GALNTL6: variants seen among roughly 807,000 people sequenced by gnomAD.
GALNTL6 encodes the protein polypeptide N-acetylgalactosaminyltransferase like 6, also known as polypeptide N-acetylgalactosaminyltransferase-like 6.
In GALNTL6, 46 loss-of-function variants were observed where a neutral mutation model predicts 73.7. That is an observed-to-expected ratio of 0.62 (90% CI 0.49 to 0.80). The LOEUF is 0.80. Ranked by LOEUF, GALNTL6 falls within the 30% of genes least tolerant of loss-of-function variation. The pLI is 0.00. For missense variants in GALNTL6, 604 were observed against 755.0 expected (o/e 0.80, Z 2.34); for synonymous variants, 259 against 263.7 (o/e 0.98, Z 0.17).
intron 7 of GALNTL6, among the ~76,000 whole-genome samples, chr4:172,862,032 A>T (rs1744419811): frequency 6.6e-6 from 1 of 152,208 alleles, no homozygotes; most frequent in Non-Finnish European, 1.5e-5. Flanking sequence ...TAACAGGCAG[A>T]GGTTGGAACT....
At chr4:172,884,248 C>T (rs547184961) in intron 8 of GALNTL6, among the ~76,000 whole-genome samples, 22 of 152,220 alleles carry the variant, frequency 1.4e-4, no homozygotes, top group African/African-American at 3.9e-4. Flanking sequence ...AGTGTAGGAG[C>T]ATTCCCCTTT....
chr4:171,899,212 C>T (rs1043455854), intron 2 of GALNTL6, among the ~76,000 whole-genome samples: 2 of 151,712 alleles, frequency 1.3e-5, no homozygotes, highest in African/African-American at 4.8e-5. Context: ...GTAATTAGCA[C>T]TGAAAAGTTA....
chr4:172,656,954 T>G (rs1403416353), intron 5 of GALNTL6, among the ~76,000 whole-genome samples: 1 of 152,128 alleles, frequency 6.6e-6, no homozygotes, highest in Non-Finnish European at 1.5e-5. Context: ...TGCTCTGTTA[T>G]GAGCACAGGG....
chr4:171,906,773 G>A (rs1329211809), intron 2 of GALNTL6, among the ~76,000 whole-genome samples: 6 of 152,232 alleles, frequency 3.9e-5, no homozygotes, highest in Middle Eastern at 3.4e-3. Context: ...GAATCCAGCA[G>A]CACATCAAAA....
intron 5 of GALNTL6, among the ~76,000 whole-genome samples, chr4:172,692,538 TTA>T (rs1255487889): frequency 6.6e-6 from 1 of 152,144 alleles, no homozygotes; most frequent in African/African-American, 2.4e-5. Flanking sequence ...TGTGTGAAAA[TTA>T]TATGTCATTG....
At chr4:172,920,697 C>T (rs1460885280) in intron 8 of GALNTL6, among the ~76,000 whole-genome samples, 2 of 152,086 alleles carry the variant, frequency 1.3e-5, no homozygotes, top group African/African-American at 4.8e-5. Flanking sequence ...TTGAAATTTA[C>T]ATTTGAATGT....
chr4:172,986,619 G>C (rs192856183), intron 10 of GALNTL6, among the ~76,000 whole-genome samples: 14 of 152,340 alleles, frequency 9.2e-5, no homozygotes, highest in Admixed American at 9.1e-4. Flanking sequence ...GAATAGATCA[G>C]TTGAGTTAAA....
intron 5 of GALNTL6, among the ~76,000 whole-genome samples, chr4:172,677,185 C>G (rs1303097709): frequency 6.6e-6 from 1 of 152,146 alleles, no homozygotes; most frequent in Non-Finnish European, 1.5e-5. Context: ...ACTGATCTAT[C>G]AAGAAAATGT....
intron 10 of GALNTL6, among the ~76,000 whole-genome samples, chr4:172,981,632 A>G (rs902751696): frequency 2.6e-5 from 4 of 152,128 alleles, no homozygotes; most frequent in Admixed American, 6.5e-5. Context: ...ATGAAGTGTG[A>G]ACCTTTCGAC....
chr4:172,736,724 A>C (rs949566713), intron 5 of GALNTL6, among the ~76,000 whole-genome samples: 1 of 152,240 alleles, frequency 6.6e-6, no homozygotes, highest in African/African-American at 2.4e-5. Flanking sequence ...AAATTATAAA[A>C]ATATTAATTT....
intron 9 of GALNTL6, among the ~76,000 whole-genome samples, chr4:172,939,291 G>A (rs184876108): frequency 2.0e-5 from 3 of 152,214 alleles, no homozygotes; most frequent in Admixed American, 2.0e-4. Flanking sequence ...GTGAGACCCT[G>A]TATCAAAAAT....
chr4:172,624,253 T>G (rs760421342), intron 5 of GALNTL6, among the ~76,000 whole-genome samples: 10 of 152,088 alleles, frequency 6.6e-5, no homozygotes, highest in Non-Finnish European at 1.2e-4. Flanking sequence ...AGTGCTTTTT[T>G]GTTGTTGTTT....
At chr4:172,524,612 C>T (rs535649710) in intron 5 of GALNTL6, among the ~76,000 whole-genome samples, 2 of 152,276 alleles carry the variant, frequency 1.3e-5, no homozygotes, top group South Asian at 2.1e-4. Context: ...GGAACATACT[C>T]GTATAAGTCT....
At chr4:172,263,671 A>G (rs1738333619) in intron 3 of GALNTL6, among the ~76,000 whole-genome samples, 1 of 151,530 alleles carries the variant, frequency 6.6e-6, no homozygotes, top group African/African-American at 2.4e-5. Flanking sequence ...ATTTATATCT[A>G]TATATAGTCT....
chr4:172,224,233 G>A (rs190771427), intron 2 of GALNTL6, among the ~76,000 whole-genome samples: 20 of 152,226 alleles, frequency 1.3e-4, no homozygotes, highest in Admixed American at 9.2e-4. Flanking sequence ...TGTAAAGTGG[G>A]TAAGGTAGGT....
intron 3 of GALNTL6, among the ~76,000 whole-genome samples, chr4:172,306,099 A>T (rs1190947642): frequency 2.0e-5 from 3 of 152,018 alleles, no homozygotes; most frequent in African/African-American, 7.2e-5. Flanking sequence ...TGAAAATAAA[A>T]ATATGTTGGC....
At chr4:172,494,679 G>T (rs185618293) in intron 5 of GALNTL6, among the ~76,000 whole-genome samples, 5 of 152,264 alleles carry the variant, frequency 3.3e-5, no homozygotes, top group Non-Finnish European at 5.9e-5. Context: ...ACAAACCACT[G>T]GCATAAGTCC....
chr4:172,120,033 C>T (rs1317648657), intron 2 of GALNTL6, among the ~76,000 whole-genome samples: 2 of 152,144 alleles, frequency 1.3e-5, no homozygotes, highest in Non-Finnish European at 2.9e-5. Context: ...TAATAAGTAG[C>T]ATACAGAGTA....
intron 7 of GALNTL6, among the ~76,000 whole-genome samples, chr4:172,853,764 A>G (rs888332427): frequency 6.6e-6 from 1 of 152,198 alleles, no homozygotes; most frequent in African/African-American, 2.4e-5. Context: ...TACCTGCCAG[A>G]TTTATATTCC....
Sources: allele counts gnomAD v4.1 joint callset (sites outside exome capture counted in the v4.1 genomes callset), GRCh38; gene constraint gnomAD v4.1.1; transcripts MANE v1.5; gene names NCBI Gene and HGNC (gene_info 2026-07-23, HGNC 2026-07-21).